The following MAPKAPK3 variants were observed in gnomAD, a reference collection of about 807,000 sequenced individuals.
MAPKAPK3 encodes the protein MAPK activated protein kinase 3, also known as MAP kinase-activated protein kinase 3.
A neutral mutation model predicts 49.2 loss-of-function variants in MAPKAPK3; 35 were observed. That is an observed-to-expected ratio of 0.71 (90% CI 0.54 to 0.94). The LOEUF (loss-of-function observed/expected upper bound fraction) is 0.94, where lower values mean the gene tolerates loss of function less well. MAPKAPK3 is among the 40% of genes least tolerant of loss of function. The probability of loss-of-function intolerance (pLI) is 0.00; values close to 1 mark genes in which losing one functional copy is unlikely to be tolerated. For missense variants in MAPKAPK3, 398 were observed against 493.1 expected (o/e 0.81, Z 1.83); for synonymous variants, 178 against 188.7 (o/e 0.94, Z 0.46).
intron 6 of MAPKAPK3, among the ~76,000 whole-genome samples, chr3:50,645,040 C>T (rs1235406886): frequency 1.3e-5 from 2 of 152,128 alleles, no homozygotes; most frequent in East Asian, 1.9e-4. Context: ...GGGCAACCCC[C>T]GGATCTGAAA....
intron 2 of MAPKAPK3, among the ~76,000 whole-genome samples, chr3:50,626,086 C>CA (rs1168074998): frequency 1.3e-5 from 2 of 151,932 alleles, no homozygotes; most frequent in African/African-American, 4.8e-5. Flanking sequence ...CGCCACCCCC[C>CA]CATGGCTTGT....
In MAPKAPK3 at chr3:50,617,549, A is replaced by C. The variant is rs202232905; in HGVS notation, c.-17A>C. 250 of 1,349,066 alleles carry C rather than the reference A, an allele frequency of 1.9e-4. 1 individual carries two copies. The highest frequency in any genetic ancestry group is 3.1e-5 in the Non-Finnish European group (30 of 953,616). 83.6% of individuals were successfully genotyped at this position (1,349,066 alleles called of 1,614,324 possible). ...AAGCGCCAGGCTGGGGCCGCCTCTG[A>C]GCGCCCCGCGGGGGCCATGGATGGT... On this transcript the variant is annotated 5_prime_UTR_variant, in exon 2 of 11. Coordinates refer to ENST00000621469, the MANE Select transcript of MAPKAPK3 (RefSeq NM_001243925.2).
chr3:50,646,043 TG>T, intron 7 of MAPKAPK3, 96 bp from the exon 8 acceptor site: 1 of 1,457,992 alleles, frequency 6.9e-7, no homozygotes, highest in Non-Finnish European at 9.4e-7. Context: ...CTATGGTGTC[TG>T]GTTGTCTGTC....
chr3:50,641,880 A>T, intron 4 of MAPKAPK3, 109 bp downstream of exon 4: 1 of 965,008 alleles, frequency 1.0e-6, no homozygotes, highest in East Asian at 2.4e-5. Flanking sequence ...TTCCCATCTG[A>T]ATAAGAAAGG....
chr3:50,629,493 C>G (rs1423302449), intron 2 of MAPKAPK3, among the ~76,000 whole-genome samples: 2 of 150,318 alleles, frequency 1.3e-5, no homozygotes, highest in Non-Finnish European at 3.0e-5. Context: ...TGCTCTCATT[C>G]CCTCCTTGTG....
chr3:50,629,191 C>T (rs927502449), intron 2 of MAPKAPK3, among the ~76,000 whole-genome samples: 2 of 152,142 alleles, frequency 1.3e-5, no homozygotes, highest in Middle Eastern at 3.2e-3. Context: ...TCTTGGTCCA[C>T]CTTTGAAGAG....
intron 5 of MAPKAPK3, among the ~76,000 whole-genome samples, chr3:50,643,782 C>G (rs1485293643): frequency 5.3e-5 from 8 of 152,078 alleles, no homozygotes; most frequent in South Asian, 4.1e-4. Flanking sequence ...CCCCATCCTT[C>G]TACCCCGGCT....
chr3:50,628,122 C>T (rs1186082778), intron 2 of MAPKAPK3, among the ~76,000 whole-genome samples: 2 of 152,178 alleles, frequency 1.3e-5, no homozygotes, highest in Non-Finnish European at 2.9e-5. Flanking sequence ...GTGACATCTC[C>T]TCCAGGCGAG....
intron 8 of MAPKAPK3, 146 bp downstream of exon 8, chr3:50,646,410 C>A: frequency 8.9e-7 from 1 of 1,125,486 alleles, no homozygotes; most frequent in Non-Finnish European, 1.3e-6. Context: ...AGTCCCCTAA[C>A]CTTCTTGAGC....
chr3:50,647,838 T>C (rs1418886026), intron 10 of MAPKAPK3, 56 bp from the exon 11 acceptor site: 3 of 1,540,522 alleles, frequency 1.9e-6, no homozygotes, highest in Admixed American at 2.0e-5. Flanking sequence ...GGGGTGATGG[T>C]TCCTAAGGTC....
At position 50,648,705 on chromosome 3, in the gene MAPKAPK3, C is replaced by T. The variant is rs1161476118; in HGVS notation, c.*659C>T. 1.3e-5 allele frequency: 2 copies of T among 152,356 alleles called. No homozygotes were observed. The highest frequency in any genetic ancestry group is 6.5e-5 in the Admixed American group (1 of 15,296). 9.4% of individuals were successfully genotyped at this position (152,356 alleles called of 1,614,324 possible). The stretch of plus-strand genomic sequence containing the variant: ...GCCCAGATGGCACTCAGCGCTCTCC[C>T]CTGAGGGAGTCCCTGGGCCTAGCCA... On this transcript the variant is annotated 3_prime_UTR_variant, in exon 11 of 11. Transcript: ENST00000621469.
intron 2 of MAPKAPK3, among the ~76,000 whole-genome samples, chr3:50,632,223 C>T (rs761520756): frequency 2.0e-5 from 3 of 152,184 alleles, no homozygotes; most frequent in African/African-American, 7.2e-5. Context: ...TTTAGAATTT[C>T]GTCCTAGAAA....
upstream of MAPKAPK3, chr3:50,617,125 G>GGGGGGC: frequency 7.7e-6 from 1 of 129,372 alleles, no homozygotes; most frequent in Admixed American, 7.7e-5. Flanking sequence ...GGAGGGGGGG[G>GGGGGGC]AGGTCACGTG....
At chr3:50,616,178 C>A (rs1030587676), upstream of MAPKAPK3, among the ~76,000 whole-genome samples, 1 of 152,220 alleles carries the variant, frequency 6.6e-6, no homozygotes, top group Non-Finnish European at 1.5e-5. Flanking sequence ...TGAGCCAGCT[C>A]GCTCAGGTCC....
In MAPKAPK3 at chr3:50,646,224, C is replaced by A. The variant is rs187648751; in HGVS notation, c.789C>A (p.Tyr263Ter). ...GMKRRIRLGQYGFPNPEWSEV... is the reference protein window; with the variant it reads ...GMKRRIRLGQ ...AGAGGAGGATTCGCCTGGGCCAGTA[C>A]GGCTTCCCCAATCCTGAGTGGTCAG... Residue 263 changes from tyrosine to a stop codon, truncating the protein, a stop_gained, in exon 8 of 11, where the codon TAC becomes TAA. Coordinates refer to ENST00000621469, the MANE Select transcript of MAPKAPK3 (RefSeq NM_001243925.2). LOFTEE classifies it high-confidence loss of function. The A allele has an allele frequency of 6.2e-7, 1 of 1,614,158 alleles. No individual in the cohort carries two copies. The highest frequency in any genetic ancestry group is 8.5e-7 in the Non-Finnish European group (1 of 1,180,016).
At position 50,648,002 on chromosome 3, in the gene MAPKAPK3, C is replaced by T. The variant is rs779952844; in HGVS notation, c.1105C>T (p.Gln369Ter). Residue 369 changes from glutamine to a stop codon, truncating the protein, a stop_gained, in exon 11 of 11, where the codon CAG (glutamine) becomes TAG (stop). Transcript: ENST00000621469. LOFTEE classifies it high-confidence loss of function. ...NRLLNKRRKK[Q>*]AGSSSASQGC... ...GCTCCTCAACAAGAGGAGAAAAAAG[C>T]AGGCAGGCAGCTCCTCTGCCTCACA... 3.7e-5 allele frequency: 60 copies of T among 1,613,752 alleles called. 1 individual carries two copies. The highest frequency in any genetic ancestry group is 5.0e-5 in the Non-Finnish European group (59 of 1,180,012).
At chr3:50,623,404 G>A (rs1261118337) in intron 2 of MAPKAPK3, among the ~76,000 whole-genome samples, 1 of 152,200 alleles carries the variant, frequency 6.6e-6, no homozygotes, top group Non-Finnish European at 1.5e-5. Context: ...TACCGTGCCT[G>A]GCTGGCCTTG....
chr3:50,638,299 C>T (rs2033090736), intron 2 of MAPKAPK3, among the ~76,000 whole-genome samples: 2 of 152,056 alleles, frequency 1.3e-5, no homozygotes, highest in Admixed American at 6.5e-5. Flanking sequence ...CCTCTTGGCT[C>T]CTGTGGCTGA....
intron 2 of MAPKAPK3, among the ~76,000 whole-genome samples, chr3:50,624,467 C>G (rs2032686299): frequency 6.6e-6 from 1 of 152,102 alleles, no homozygotes; most frequent in African/African-American, 2.4e-5. Flanking sequence ...TGAGGGAGGA[C>G]CAGAGGAATC....
Sources: gnomAD v4.1 joint callset for allele counts (sites outside exome capture counted in the v4.1 genomes callset) on GRCh38, gnomAD v4.1.1 for gene constraint, MANE v1.5 for transcripts, NCBI Gene and HGNC (gene_info 2026-07-23, HGNC 2026-07-21) for gene names.